AXDND1: variants seen among roughly 807,000 people sequenced by gnomAD.
AXDND1 encodes axonemal dynein light chain domain containing 1, also known as axonemal dynein light chain domain-containing protein 1.
In AXDND1, 110 loss-of-function variants were observed where a neutral mutation model predicts 137.5. The ratio of observed to expected loss-of-function variants is 0.80; its 90% CI spans 0.69 to 0.94. The LOEUF (loss-of-function observed/expected upper bound fraction) is 0.94. Ranked by LOEUF, AXDND1 falls within the 40% of genes least tolerant of loss-of-function variation. The pLI, the probability that AXDND1 is intolerant of heterozygous loss-of-function variation, is 0.00. For missense variants in AXDND1, 1,191 were observed against 1,169.8 expected, an observed-to-expected ratio of 1.02 and a Z score of -0.26; for synonymous variants, 414 against 399.7, an observed-to-expected ratio of 1.04 and a Z score of -0.43.
At chr1:179,375,868 C>T (rs532086180) in intron 4 of AXDND1, among the ~76,000 whole-genome samples, 28 of 152,078 alleles carry the variant, frequency 1.8e-4, no homozygotes, top group African/African-American at 3.4e-4. Flanking sequence ...AATATCACAG[C>T]GCAGGACATC....
intron 9 of AXDND1, among the ~76,000 whole-genome samples, chr1:179,386,029 A>T: frequency 7.2e-6 from 1 of 139,440 alleles, no homozygotes. Context: ...TTTTTCCTGG[A>T]GCTGATTTTA....
Position 179,525,389 on chromosome 1 carries a change from A to T in AXDND1, c.2552A>T (p.Glu851Val). The T allele has an allele frequency of 2.5e-6, 4 of 1,612,576 alleles. No homozygotes were observed. Among genetic ancestry groups the T allele is most frequent in the Non-Finnish European group, 3.4e-6 (4 of 1,179,024 alleles). The change falls in exon 22 of 26, where the codon GAA (glutamate) becomes GTA (valine). Residue 851 changes from glutamate (E) to valine (V), a missense_variant. Coordinates refer to ENST00000367618, the MANE Select transcript of AXDND1 (RefSeq NM_144696.6). ...PEIDESFKEDEEESKEDRKLQ... is the reference protein window; with the variant it reads ...PEIDESFKEDVEESKEDRKLQ... The stretch of plus-strand genomic sequence containing the variant: ...ATAGACGAGTCTTTTAAAGAAGATG[A>T]AGAAGAAAGTAAGGAGGATAGGAAA...
intron 25 of AXDND1, chr1:179,551,162 C>T (rs752254209): frequency 3.1e-6 from 5 of 1,613,528 alleles, no homozygotes; most frequent in Non-Finnish European, 4.2e-6. Flanking sequence ...TCACATTATG[C>T]CCCATCCTTC....
chr1:179,376,139 C>T (rs546041460), intron 4 of AXDND1, among the ~76,000 whole-genome samples: 2 of 152,136 alleles, frequency 1.3e-5, no homozygotes, highest in South Asian at 4.1e-4. Context: ...TAGACTAAAG[C>T]CCAACATGTT....
intron 21 of AXDND1, among the ~76,000 whole-genome samples, chr1:179,524,856 G>A (rs905680462): frequency 2.6e-5 from 4 of 152,188 alleles, no homozygotes; most frequent in Non-Finnish European, 5.9e-5. Context: ...GAGCCTCATT[G>A]CCTTCAGGAT....
intron 15 of AXDND1, among the ~76,000 whole-genome samples, chr1:179,444,203 A>G (rs538169618): frequency 6.6e-6 from 1 of 152,060 alleles, no homozygotes; most frequent in Non-Finnish European, 1.5e-5. Flanking sequence ...TGTTTTCCAT[A>G]TATTATCTTA....
At chr1:179,400,268 C>T (rs1046264179) in intron 11 of AXDND1, among the ~76,000 whole-genome samples, 3 of 152,106 alleles carry the variant, frequency 2.0e-5, no homozygotes, top group Non-Finnish European at 2.9e-5. Context: ...GAATTAATGG[C>T]ATTTGCAGTG....
At chr1:179,547,145 AG>A (rs1672725032) in intron 25 of AXDND1, among the ~76,000 whole-genome samples, 1 of 152,194 alleles carries the variant, frequency 6.6e-6, no homozygotes, top group Admixed American at 6.5e-5. Flanking sequence ...GTATTTCCCC[AG>A]AGGAAGCAGA....
intron 21 of AXDND1, among the ~76,000 whole-genome samples, chr1:179,513,504 G>C (rs1443200481): frequency 6.6e-6 from 1 of 152,114 alleles, no homozygotes; most frequent in Admixed American, 6.5e-5. Context: ...GTGTTTATCA[G>C]GGATGTCAGT....
rs143078905 is a variant in AXDND1, at chr1:179,524,760, C to T, written c.2497-574C>T. On this transcript the variant is annotated intron_variant, in intron 21 of 25. Transcript: ENST00000367618. ...TTCACGCTCCTTTTCTCTTCCTCTG[C>T]TTCCCTTTCTTCCTCTTCTTTAAAG... is the stretch of plus-strand genomic sequence containing the variant. Among the ~76,000 whole-genome samples, 354 of 152,282 alleles carry T rather than the reference C, an allele frequency of 2.3e-3. 1 individual carries two copies. Among genetic ancestry groups the T allele is most frequent in the African/African-American group, 8.0e-3 (333 of 41,564 alleles).
chr1:179,494,820 G>T (rs1210821474), intron 20 of AXDND1, among the ~76,000 whole-genome samples: 1 of 152,022 alleles, frequency 6.6e-6, no homozygotes, highest in African/African-American at 2.4e-5. Flanking sequence ...TTTTCTTCTA[G>T]AAGTTTTAGA....
At chr1:179,510,779 C>T (rs1668966671) in intron 21 of AXDND1, among the ~76,000 whole-genome samples, 1 of 152,020 alleles carries the variant, frequency 6.6e-6, no homozygotes, top group Non-Finnish European at 1.5e-5. Context: ...TACTGGGGTA[C>T]AGGTGGTGTT....
At chr1:179,366,326 A>G (rs1441070237) in intron 1 of AXDND1, 78 bp from the exon 2 acceptor site, 2 of 512,232 alleles carry the variant, frequency 3.9e-6, no homozygotes, top group Middle Eastern at 5.4e-4. Flanking sequence ...GATGAATTCT[A>G]AACTGCGATC....
At chr1:179,370,130 A>G (rs983487337) in intron 4 of AXDND1, 52 bp downstream of exon 4, 3 of 1,368,138 alleles carry the variant, frequency 2.2e-6, no homozygotes, top group Non-Finnish European at 1.0e-6. Flanking sequence ...TTGTTTTCTC[A>G]TTTTGAATGA....
intron 16 of AXDND1, chr1:179,449,571 G>A (rs541950726): frequency 4.6e-5 from 7 of 153,000 alleles, no homozygotes; most frequent in African/African-American, 1.7e-4. Context: ...TTCTGATAGG[G>A]ATTATGTTGC....
At chr1:179,476,177 TTGG>T (rs1257283410) in intron 17 of AXDND1, among the ~76,000 whole-genome samples, 6 of 152,144 alleles carry the variant, frequency 3.9e-5, no homozygotes, top group Non-Finnish European at 1.5e-5. Flanking sequence ...CATTGTAGAA[TTGG>T]TGTAATACAA....
chr1:179,445,788 T>C (rs994543913), intron 16 of AXDND1, among the ~76,000 whole-genome samples: 17 of 152,248 alleles, frequency 1.1e-4, no homozygotes, highest in African/African-American at 3.1e-4. Flanking sequence ...TTGACTATTA[T>C]GAATATTGCT....
chr1:179,554,666 A>C lies in AXDND1; in HGVS notation c.*147A>C. 8.3e-7 allele frequency: 1 copy of C among 1,211,046 alleles called. No individual in the cohort carries two copies. The highest frequency in any genetic ancestry group is 1.3e-5 in the South Asian group (1 of 79,634). 75.0% of individuals were successfully genotyped at this position (1,211,046 alleles called of 1,614,324 possible). On this transcript the variant is annotated 3_prime_UTR_variant, in exon 26 of 26. Coordinates refer to ENST00000367618, the MANE Select transcript of AXDND1 (RefSeq NM_144696.6). The stretch of plus-strand genomic sequence containing the variant: ...GGACATTATTTGCCTGTTGTATTTA[A>C]CTTCACAGTGCCTTGCAAAGAGTTG...
intron 17 of AXDND1, among the ~76,000 whole-genome samples, chr1:179,468,971 C>T (rs939506297): frequency 6.6e-6 from 1 of 151,828 alleles, no homozygotes; most frequent in Non-Finnish European, 1.5e-5. Flanking sequence ...CTCTTATTTC[C>T]CAGGCTGGAG....
Sources: gnomAD v4.1 joint callset for allele counts (sites outside exome capture counted in the v4.1 genomes callset) on GRCh38, gnomAD v4.1.1 for gene constraint, MANE v1.5 for transcripts, NCBI Gene and HGNC (gene_info 2026-07-23, HGNC 2026-07-21) for gene names.